SH3GL2: variants seen among roughly 807,000 people sequenced by gnomAD.
The protein encoded by SH3GL2 is endophilin-A1.
In SH3GL2, 24 loss-of-function variants were observed where a neutral mutation model predicts 46.0. That is an observed-to-expected ratio of 0.52 (90% CI 0.38 to 0.73). SH3GL2 has a LOEUF of 0.73. Ranked by LOEUF, SH3GL2 falls within the 30% of genes least tolerant of loss-of-function variation. SH3GL2 has a pLI of 0.00. For missense variants in SH3GL2, 413 were observed against 424.2 expected (o/e 0.97, Z 0.23); for synonymous variants, 196 against 147.1 (o/e 1.33, Z -2.40).
At chr9:17,602,743 G>A (rs1290352537) in intron 1 of SH3GL2, among the ~76,000 whole-genome samples, 2 of 152,110 alleles carry the variant, frequency 1.3e-5, no homozygotes, top group East Asian at 1.9e-4. Flanking sequence ...TAGGAAACAT[G>A]CACCAAAATG....
intron 1 of SH3GL2, among the ~76,000 whole-genome samples, chr9:17,621,499 T>TA (rs1819137641): frequency 6.6e-6 from 1 of 152,240 alleles, no homozygotes; most frequent in African/African-American, 2.4e-5. Context: ...CCTGTGTCTT[T>TA]ATTTTATTGG....
rs924604344 is a variant in SH3GL2, at chr9:17,645,326, A to G, written c.45+66039A>G. ...CCGATGGGTCTTGAATCTTTATGCA[A>G]TTTGCAAGTCTGTGCCTTTTAATTG... On this transcript the variant is annotated intron_variant, in intron 1 of 8. Coordinates refer to ENST00000380607, the MANE Select transcript of SH3GL2 (RefSeq NM_003026.5). Among the ~76,000 whole-genome samples the G allele has an allele frequency of 9.9e-5, 15 of 151,878 alleles. No individual in the cohort carries two copies. The East Asian group carries it at 1.9e-3, about 20-fold the overall frequency.
chr9:17,696,020 C>G (rs1176033000), intron 1 of SH3GL2, among the ~76,000 whole-genome samples: 4 of 152,078 alleles, frequency 2.6e-5, no homozygotes, highest in African/African-American at 9.7e-5. Flanking sequence ...GTGTTGTTGT[C>G]TGAGTTGTCC....
chr9:17,675,974 A>C (rs1254872965), intron 1 of SH3GL2, among the ~76,000 whole-genome samples: 1 of 151,932 alleles, frequency 6.6e-6, no homozygotes, highest in Non-Finnish European at 1.5e-5. Flanking sequence ...AAAAATGCTA[A>C]TGCCTTTCTT....
At chr9:17,745,423 C>A (rs2209441) in intron 1 of SH3GL2, among the ~76,000 whole-genome samples, 1 of 152,146 alleles carries the variant, frequency 6.6e-6, no homozygotes, top group East Asian at 1.9e-4. Context: ...TATGCTCTTA[C>A]AATTCTTATG....
At position 17,627,079 on chromosome 9, in the gene SH3GL2, T is replaced by A. The variant is rs116165527; in HGVS notation, c.45+47792T>A. The stretch of plus-strand genomic sequence containing the variant: ...TGTATTGGAGGTGCCAAAGACTGAA[T>A]AACATGTTTAACTTACTAAATAGAA... On this transcript the variant is annotated intron_variant, in intron 1 of 8. Transcript: ENST00000380607. Among the ~76,000 whole-genome samples, 1,085 of 152,264 alleles carry A rather than the reference T, an allele frequency of 7.1e-3. 17 individuals are homozygous for A. The highest frequency in any genetic ancestry group is 0.025 in the African/African-American group (1,025 of 41,540).
Position 17,785,170 on chromosome 9 carries a change from C to T in SH3GL2, c.188-1211C>T, listed in dbSNP as rs572760341. ...TGGATCTAAACTTAAAGATACTTCC[C>T]TCCAGGAATCCTTTGCGATGCCCCT... On this transcript the variant is annotated intron_variant, in intron 3 of 8. Transcript: ENST00000380607. Among the ~76,000 whole-genome samples the T allele has an allele frequency of 1.4e-4, 21 of 152,290 alleles. No individual in the cohort carries two copies. In the East Asian group the frequency reaches 3.5e-3, roughly 25 times the overall value.
chr9:17,745,634 A>G (rs148540346), intron 1 of SH3GL2, among the ~76,000 whole-genome samples: 3 of 151,984 alleles, frequency 2.0e-5, no homozygotes, highest in African/African-American at 4.8e-5. Context: ...TGTTTTCCCG[A>G]TGGCAGGAAG....
At chr9:17,686,975 G>T (rs1049835062) in intron 1 of SH3GL2, among the ~76,000 whole-genome samples, 1 of 151,902 alleles carries the variant, frequency 6.6e-6, no homozygotes, top group Non-Finnish European at 1.5e-5. Context: ...ATCGACAGTG[G>T]AATCTTTGCA....
chr9:17,665,350 A>T (rs1820317680), intron 1 of SH3GL2, among the ~76,000 whole-genome samples: 1 of 152,084 alleles, frequency 6.6e-6, no homozygotes, highest in Non-Finnish European at 1.5e-5. Flanking sequence ...ATTGTGTTTA[A>T]TTATTATGTC....
intron 1 of SH3GL2, among the ~76,000 whole-genome samples, chr9:17,695,692 T>A (rs1010718714): frequency 1.3e-5 from 2 of 152,024 alleles, no homozygotes; most frequent in Admixed American, 6.6e-5. Flanking sequence ...CACAACCTCT[T>A]TTTTTCAGTC....
chr9:17,783,747 C>T (rs1823877846), intron 3 of SH3GL2, among the ~76,000 whole-genome samples: 1 of 152,084 alleles, frequency 6.6e-6, no homozygotes, highest in African/African-American at 2.4e-5. Context: ...TGTTTTAATT[C>T]ACCCAATACA....
intron 1 of SH3GL2, among the ~76,000 whole-genome samples, chr9:17,705,579 A>G (rs1821450255): frequency 6.6e-6 from 1 of 152,030 alleles, no homozygotes; most frequent in Admixed American, 6.6e-5. Context: ...TCGACTGGAT[A>G]AAGAAAATGT....
chr9:17,644,076 C>T (rs1351300808), intron 1 of SH3GL2, among the ~76,000 whole-genome samples: 3 of 152,088 alleles, frequency 2.0e-5, no homozygotes, highest in African/African-American at 7.2e-5. Context: ...GTGTATGTGT[C>T]CAGGAATTTA....
intron 3 of SH3GL2, among the ~76,000 whole-genome samples, chr9:17,764,472 C>T (rs73642313): frequency 0.028 from 4,289 of 152,268 alleles, 204 homozygotes; most frequent in African/African-American, 0.098. Context: ...ATACTTTGCC[C>T]ACTCAGCCTT....
chr9:17,636,389 A>G (rs1216946951), intron 1 of SH3GL2, among the ~76,000 whole-genome samples: 2 of 152,154 alleles, frequency 1.3e-5, no homozygotes, highest in African/African-American at 4.8e-5. Context: ...ATCTTTCCAA[A>G]CAATATTATA....
intron 1 of SH3GL2, among the ~76,000 whole-genome samples, chr9:17,699,683 C>G (rs1274811408): frequency 6.6e-6 from 1 of 152,190 alleles, no homozygotes; most frequent in African/African-American, 2.4e-5. Flanking sequence ...AGCTTGAGCT[C>G]CCAGCAAAGA....
intron 1 of SH3GL2, among the ~76,000 whole-genome samples, chr9:17,736,432 C>T (rs1324567055): frequency 6.6e-6 from 1 of 152,064 alleles, no homozygotes; most frequent in Non-Finnish European, 1.5e-5. Context: ...TTCTTGCATG[C>T]CCCCTGGTTG....
chr9:17,783,314 G>T (rs1366230053), intron 3 of SH3GL2, among the ~76,000 whole-genome samples: 1 of 151,580 alleles, frequency 6.6e-6, no homozygotes, highest in Non-Finnish European at 1.5e-5. Context: ...CTGTTTGTTT[G>T]TTTGGATTAG....
Sources: gnomAD v4.1 joint callset for allele counts (sites outside exome capture counted in the v4.1 genomes callset) on GRCh38, gnomAD v4.1.1 for gene constraint, MANE v1.5 for transcripts, NCBI Gene and HGNC (gene_info 2026-07-23, HGNC 2026-07-21) for gene names.